Variants in ATP10D observed in about 807,000 individuals in gnomAD.
ATP10D encodes ATPase phospholipid transporting 10D (putative).
ATP10D carries 89 observed loss-of-function variants against 144.8 expected under a neutral mutation model. That is an observed-to-expected ratio of 0.61 (90% CI 0.52 to 0.73). ATP10D has a LOEUF of 0.73. ATP10D is among the 30% of genes least tolerant of loss of function. The probability of loss-of-function intolerance (pLI) is 0.00; values close to 1 mark genes in which losing one functional copy is unlikely to be tolerated. For missense variants in ATP10D, 1,603 were observed against 1,714.8 expected, an observed-to-expected ratio of 0.93 and a Z score of 1.15; for synonymous variants, 571 against 615.1, an observed-to-expected ratio of 0.93 and a Z score of 1.06.
intron 4 of ATP10D, among the ~76,000 whole-genome samples, chr4:47,524,317 T>C (rs1182242255): frequency 6.6e-6 from 1 of 152,144 alleles, no homozygotes; most frequent in Non-Finnish European, 1.5e-5. Context: ...ACTAATACCT[T>C]TATCTTTGGT....
At chr4:47,545,851 G>T (rs1718392317) in intron 9 of ATP10D, among the ~76,000 whole-genome samples, 1 of 152,050 alleles carries the variant, frequency 6.6e-6, no homozygotes, top group South Asian at 2.1e-4. Context: ...AAATTGTGTG[G>T]TCAGATCTGG....
At chr4:47,502,278 T>C (rs1266783213) in intron 1 of ATP10D, among the ~76,000 whole-genome samples, 2 of 152,144 alleles carry the variant, frequency 1.3e-5, no homozygotes, top group East Asian at 3.9e-4. Flanking sequence ...GAGACCATCC[T>C]GGCTAACACG....
chr4:47,523,351 T>A, intron 4 of ATP10D, 135 bp downstream of exon 4: 2 of 736,594 alleles, frequency 2.7e-6, no homozygotes, highest in Non-Finnish European at 4.5e-6. Context: ...GAAGGTTTCA[T>A]TCACTTCCAG....
chr4:47,493,400 C>T (rs999943109), intron 1 of ATP10D, among the ~76,000 whole-genome samples: 5 of 152,274 alleles, frequency 3.3e-5, no homozygotes, highest in South Asian at 2.1e-4. Flanking sequence ...TTCTGTCTTT[C>T]GCTTCCAGTA....
intron 1 of ATP10D, among the ~76,000 whole-genome samples, chr4:47,498,058 C>T (rs1177328470): frequency 6.6e-6 from 1 of 152,198 alleles, no homozygotes; most frequent in Non-Finnish European, 1.5e-5. Flanking sequence ...CCATTAACTC[C>T]TCACAACAAC....
intron 9 of ATP10D, among the ~76,000 whole-genome samples, chr4:47,545,867 C>A (rs1718393168): frequency 6.6e-6 from 1 of 152,096 alleles, no homozygotes; most frequent in Admixed American, 6.6e-5. Context: ...TCTGGGAAGT[C>A]TTCACTTCCC....
intron 11 of ATP10D, chr4:47,556,748 CT>C (rs1342780465): frequency 6.6e-6 from 1 of 152,062 alleles, no homozygotes; most frequent in African/African-American, 2.4e-5. Flanking sequence ...TAGGGGAAAA[CT>C]TTTTCATTTA....
chr4:47,542,490 T>G (rs938163535), intron 9 of ATP10D, among the ~76,000 whole-genome samples: 2 of 152,194 alleles, frequency 1.3e-5, no homozygotes, highest in African/African-American at 2.4e-5. Flanking sequence ...ACTGGTCTAT[T>G]TCCTTTTTTG....
chr4:47,547,979 C>CTG (rs1718527995), intron 10 of ATP10D, among the ~76,000 whole-genome samples: 1 of 152,110 alleles, frequency 6.6e-6, no homozygotes, highest in South Asian at 2.1e-4. Context: ...ACAGTTCATT[C>CTG]TGTGTACTCA....
At chr4:47,513,921 T>G (rs759212134) in intron 2 of ATP10D, among the ~76,000 whole-genome samples, 2 of 152,162 alleles carry the variant, frequency 1.3e-5, no homozygotes, top group African/African-American at 2.4e-5. Context: ...AGACCTGACC[T>G]TGGAACAATG....
intron 1 of ATP10D, among the ~76,000 whole-genome samples, chr4:47,502,246 G>A (rs1715722673): frequency 6.6e-6 from 1 of 152,104 alleles, no homozygotes; most frequent in Admixed American, 6.6e-5. Flanking sequence ...AGGCCGAGGC[G>A]GGCGGATCAC....
At position 47,563,580 on chromosome 4, in the gene ATP10D, G is replaced by T; in HGVS notation, c.2669-1G>T. The T allele has an allele frequency of 6.3e-7, 1 of 1,594,150 alleles. No individual in the cohort carries two copies. Among genetic ancestry groups the T allele is most frequent in the East Asian group, 2.2e-5 (1 of 44,690 alleles). On this transcript the variant is annotated splice_acceptor_variant, in intron 14 of 22. Transcript: ENST00000273859. LOFTEE classifies it high-confidence loss of function. The stretch of plus-strand genomic sequence containing the variant: ...CCTATTGCACTTTGGTTATTTTTTA[G>T]GTGCTACTGGCATTGAAGACCGTCT...
At chr4:47,588,887 A>G (rs951140053) in intron 22 of ATP10D, among the ~76,000 whole-genome samples, 1 of 152,208 alleles carries the variant, frequency 6.6e-6, no homozygotes, top group African/African-American at 2.4e-5. Context: ...GGTATGCTAA[A>G]AAATGACTCC....
intron 1 of ATP10D, chr4:47,491,143 C>A: frequency 1.4e-6 from 1 of 733,650 alleles, no homozygotes. Flanking sequence ...TTCCTTCATG[C>A]GTTTCAGGAA....
At chr4:47,587,296 C>G (rs1316782) in intron 22 of ATP10D, 90 bp downstream of exon 22, 116,324 of 1,191,562 alleles carry the variant, frequency 0.098, 8,865 homozygotes, top group African/African-American at 0.38. Context: ...TGGTTGGCAG[C>G]CCACCCTGTT....
rs1031184882 is a variant in ATP10D at position 47,546,828 on chromosome 4, C to T, written c.1601C>T (p.Pro534Leu). The T allele has an allele frequency of 1.2e-6, 2 of 1,613,154 alleles. No individual in the cohort carries two copies. Among genetic ancestry groups the T allele is most frequent in the African/African-American group, 1.3e-5 (1 of 75,020 alleles). ...LGSGEGASEV[P>L]HSRQAAFSSP... ...AGTGGAGAAGGAGCCAGTGAAGTGC[C>T]TCATTCCAGACAGGCTGCTTTCAGT... is the stretch of plus-strand genomic sequence containing the variant. The change falls in exon 10 of 23, where the codon CCT (proline) becomes CTT (leucine). Residue 534 changes from proline to leucine, a missense_variant. By Grantham distance (98) the Pro-to-Leu change is moderately conservative (BLOSUM62 -3). Transcript: ENST00000273859.
intron 9 of ATP10D, among the ~76,000 whole-genome samples, chr4:47,542,118 A>G (rs1342658477): frequency 7.4e-6 from 1 of 135,168 alleles, no homozygotes; most frequent in Non-Finnish European, 1.6e-5. Flanking sequence ...TTTTTTTAAC[A>G]CAGGGTCTCA....
At chr4:47,515,174 T>G (rs1237613193) in intron 2 of ATP10D, among the ~76,000 whole-genome samples, 1 of 152,040 alleles carries the variant, frequency 6.6e-6, no homozygotes, top group Non-Finnish European at 1.5e-5. Flanking sequence ...TTGCCCAGGC[T>G]AGTCTCGAAC....
At chr4:47,581,128 C>T (rs1393859633) in intron 20 of ATP10D, among the ~76,000 whole-genome samples, 2 of 152,132 alleles carry the variant, frequency 1.3e-5, no homozygotes, top group Non-Finnish European at 2.9e-5. Context: ...GCTAATTCTA[C>T]TCGAATGATA....
Sources: allele counts gnomAD v4.1 joint callset (sites outside exome capture counted in the v4.1 genomes callset), GRCh38; gene constraint gnomAD v4.1.1; transcripts MANE v1.5; gene names NCBI Gene and HGNC (gene_info 2026-07-23, HGNC 2026-07-21).